GOLGA1: variants seen among roughly 807,000 people sequenced by gnomAD.
The protein encoded by GOLGA1 is golgin subfamily A member 1.
A neutral mutation model predicts 119.7 loss-of-function variants in GOLGA1; 63 were observed. The ratio of observed to expected loss-of-function variants is 0.53; its 90% CI spans 0.43 to 0.65. The LOEUF (loss-of-function observed/expected upper bound fraction) is 0.65. Among genes scored for constraint, GOLGA1 ranks in the 30% least tolerant of loss-of-function variants. The pLI is 0.00. For synonymous variants in GOLGA1, 318 were observed against 333.4 expected, an observed-to-expected ratio of 0.95 and a Z score of 0.50; for missense variants, 798 against 912.8, an observed-to-expected ratio of 0.87 and a Z score of 1.62.
In GOLGA1 at chr9:124,878,888, C is replaced by G. The variant is rs1005667141; in HGVS notation, c.*1642G>C. ...GGCTACCTCTTACCCATCAAACTTGCAGAACAGAAGAGACTCCTGTTTCGT... is the reference window on the plus strand; with the variant it reads ...GGCTACCTCTTACCCATCAAACTTGGAGAACAGAAGAGACTCCTGTTTCGT... On this transcript the variant is annotated 3_prime_UTR_variant, in exon 23 of 23. Coordinates refer to ENST00000373555, the MANE Select transcript of GOLGA1 (RefSeq NM_002077.4). The G allele has an allele frequency of 1.3e-5, 2 of 152,226 alleles. No homozygotes were observed. Among genetic ancestry groups the G allele is most frequent in the Non-Finnish European group, 2.9e-5 (2 of 68,040 alleles). The allele number at this position is 152,226 out of a possible 1,614,324, so 9.4% of individuals were successfully genotyped here. A position where few individuals can be genotyped will look rare whatever the true frequency, so the allele number is the denominator to read the frequency against.
chr9:124,946,757 ACT>A lies in GOLGA1; in HGVS notation c.-156+1159_-156+1160del, dbSNP rs1831150170. ...GCACACCATGCATCTAATATTAAAA[ACT>A]CTACTTCATGTGCGAATATATCATC... On this transcript the variant is annotated intron_variant, in intron 1 of 4. Transcript: ENST00000421514. The surrounding 1 kb of genome is among the most constrained non-coding windows in gnomAD (Gnocchi z 4.0). The A allele has an allele frequency of 6.6e-6, 1 of 151,982 alleles. No homozygotes were observed. Among genetic ancestry groups the A allele is most frequent in the Non-Finnish European group, 1.5e-5 (1 of 68,004 alleles). The allele number at this position is 151,982 out of a possible 1,614,324, so 9.4% of individuals were successfully genotyped here. A position where few individuals can be genotyped will look rare whatever the true frequency, so the allele number is the denominator to read the frequency against.
At position 124,888,209 on chromosome 9, in the gene GOLGA1, G is replaced by A. The variant is rs1352396606; in HGVS notation, c.1905+44C>T. The stretch of plus-strand genomic sequence containing the variant: ...TGGGTCATTTTAGGCCTGAGGGTGA[G>A]GACCTGGTGGAGACAGAAACAGCCA... On this transcript the variant is annotated intron_variant, in intron 19 of 22. Coordinates refer to ENST00000373555, the MANE Select transcript of GOLGA1 (RefSeq NM_002077.4). This position sits in a 1 kb window ranked among gnomAD's most constrained non-coding sequence, Gnocchi z 4.4. The A allele has an allele frequency of 6.3e-7, 1 of 1,594,762 alleles. No homozygotes were observed. Among genetic ancestry groups the A allele is most frequent in the Non-Finnish European group, 8.6e-7 (1 of 1,162,952 alleles).
At chr9:124,894,684 G>A (rs562874104) in intron 15 of GOLGA1, among the ~76,000 whole-genome samples, 2 of 152,124 alleles carry the variant, frequency 1.3e-5, no homozygotes, top group East Asian at 1.9e-4. Context: ...CTCAGTGAAT[G>A]GTACGTACCC....
In GOLGA1 at chr9:124,906,644, C is replaced by G. The variant is rs141411119; in HGVS notation, c.1065+1733G>C. The stretch of plus-strand genomic sequence containing the variant: ...CTGGACACCTGTAATCCCAGCTACT[C>G]GGCAGGCTGAAGCAGGAGAATCGCT... On this transcript the variant is annotated intron_variant, in intron 12 of 22. Coordinates refer to ENST00000373555, the MANE Select transcript of GOLGA1 (RefSeq NM_002077.4). 9.3e-3 allele frequency among the ~76,000 whole-genome samples: 1,403 copies of G among 151,152 alleles called. 14 individuals carry two copies. The highest frequency in any genetic ancestry group is 0.014 in the Middle Eastern group (4 of 294).
intron 15 of GOLGA1, among the ~76,000 whole-genome samples, chr9:124,893,181 A>T (rs1311509045): frequency 6.6e-6 from 1 of 152,048 alleles, no homozygotes; most frequent in African/African-American, 2.4e-5. Flanking sequence ...CCATCACCCT[A>T]ATAAAAATAG....
In GOLGA1 at chr9:124,926,668, C is replaced by T. The variant is rs145169608; in HGVS notation, c.432+41G>A. On this transcript the variant is annotated intron_variant, in intron 7 of 22. Coordinates refer to ENST00000373555, the MANE Select transcript of GOLGA1 (RefSeq NM_002077.4). Reference sequence around the variant, plus strand: ...TAAAACGTTTTCCATACCCCAGAGACGAGACCAACAAAAATGAGACAAAAA... The same window carrying T: ...TAAAACGTTTTCCATACCCCAGAGATGAGACCAACAAAAATGAGACAAAAA... 2.7e-4 allele frequency: 364 copies of T among 1,373,076 alleles called. 1 individual carries two copies. In the African/African-American group the frequency reaches 4.3e-3, roughly 16 times the overall value. 85.1% of individuals were successfully genotyped at this position (1,373,076 alleles called of 1,614,324 possible). A position where few individuals can be genotyped will look rare whatever the true frequency, so the allele number is the denominator to read the frequency against.
chr9:124,895,814 A>C (rs1474340202), intron 15 of GOLGA1, among the ~76,000 whole-genome samples: 5 of 133,688 alleles, frequency 3.7e-5, no homozygotes, highest in African/African-American at 5.2e-5. Flanking sequence ...GAGACCCTCC[A>C]CAACAGAGAA....
intron 15 of GOLGA1, among the ~76,000 whole-genome samples, chr9:124,894,378 TTTTG>T (rs1296746863): frequency 8.2e-6 from 1 of 121,582 alleles, no homozygotes; most frequent in African/African-American, 3.4e-5. Flanking sequence ...TAATTTAAAG[TTTTG>T]TGTGTGTGTG....
chr9:124,901,645 C>T (rs1476416958), intron 12 of GOLGA1, among the ~76,000 whole-genome samples: 1 of 152,072 alleles, frequency 6.6e-6, no homozygotes, highest in Non-Finnish European at 1.5e-5. Context: ...CCATGTTAGC[C>T]AGGATGGTCT....
At chr9:124,944,269 A>T (rs999957181), upstream of GOLGA1, 3 of 151,418 alleles carry the variant, frequency 2.0e-5, no homozygotes, top group Non-Finnish European at 4.4e-5. Context: ...GTTAACAAAA[A>T]CCATTCTTCA....
intron 7 of GOLGA1, among the ~76,000 whole-genome samples, chr9:124,924,581 A>AT (rs1830635972): frequency 6.7e-6 from 1 of 148,508 alleles, no homozygotes; most frequent in Non-Finnish European, 1.5e-5. Context: ...GCAGTGAGCT[A>AT]TGACTGTGCC....
chr9:124,922,879 CAAAA>C (rs1830598129), intron 8 of GOLGA1, among the ~76,000 whole-genome samples: 2 of 151,244 alleles, frequency 1.3e-5, no homozygotes, highest in African/African-American at 4.9e-5. Context: ...CAAAACAAAA[CAAAA>C]CAAAACCCAA....
chr9:124,880,287 C>A lies in GOLGA1; in HGVS notation c.*243G>T. On this transcript the variant is annotated 3_prime_UTR_variant, in exon 23 of 23. Transcript: ENST00000373555. ...CTGGCTGGAGCTGGGATATTAGCAG[C>A]ACTGTGGAAATCTGGGTAGTGCCAG... 2.6e-6 allele frequency: 1 copy of A among 382,570 alleles called. No homozygotes were observed. The highest frequency in any genetic ancestry group is 5.0e-6 in the Non-Finnish European group (1 of 200,302). 23.7% of individuals were successfully genotyped at this position (382,570 alleles called of 1,614,324 possible).
intron 19 of GOLGA1, among the ~76,000 whole-genome samples, chr9:124,886,325 T>C (rs1829719667): frequency 6.6e-6 from 1 of 152,102 alleles, no homozygotes; most frequent in Admixed American, 6.6e-5. Context: ...GGAAGGAGAC[T>C]GGCCTGTCAG....
chr9:124,935,594 C>T (rs1367021335), intron 3 of GOLGA1, among the ~76,000 whole-genome samples: 1 of 151,826 alleles, frequency 6.6e-6, no homozygotes, highest in African/African-American at 2.4e-5. Context: ...CTCAGGAGTT[C>T]AAGACCAGAC....
chr9:124,895,074 C>A (rs1829936068), intron 15 of GOLGA1, among the ~76,000 whole-genome samples: 1 of 149,750 alleles, frequency 6.7e-6, no homozygotes, highest in African/African-American at 2.5e-5. Flanking sequence ...GAGAACCACC[C>A]ACAACAAAGA....
At chr9:124,908,952 T>C (rs1830283542) in intron 11 of GOLGA1, among the ~76,000 whole-genome samples, 2 of 152,332 alleles carry the variant, frequency 1.3e-5, no homozygotes, top group Middle Eastern at 3.4e-3. Context: ...GGCCAGCTCA[T>C]GAGAAGCTTT....
At chr9:124,900,580 A>G in intron 12 of GOLGA1, 33 bp from the exon 13 acceptor site, 1 of 1,082,214 alleles carries the variant, frequency 9.2e-7, no homozygotes, top group Non-Finnish European at 1.4e-6. Context: ...CTTTCTGTTC[A>G]CAAGAAGCTG....
At chr9:124,933,140 A>ACAG (rs1195178649) in intron 3 of GOLGA1, among the ~76,000 whole-genome samples, 3 of 152,220 alleles carry the variant, frequency 2.0e-5, no homozygotes, top group African/African-American at 4.8e-5. Context: ...ATCCAAAATA[A>ACAG]CAGCAGCAGC....
Sources: gnomAD v4.1 joint callset for allele counts (sites outside exome capture counted in the v4.1 genomes callset) on GRCh38, gnomAD v4.1.1 for gene constraint, Gnocchi (gnomAD v3.1) non-coding constraint, MANE v1.5 for transcripts, NCBI Gene and HGNC (gene_info 2026-07-23, HGNC 2026-07-21) for gene names.